Variants in GALNTL6 observed in about 807,000 individuals in gnomAD.
GALNTL6 encodes polypeptide N-acetylgalactosaminyltransferase-like 6.
In GALNTL6, 46 loss-of-function variants were observed where a neutral mutation model predicts 73.7. That is an observed-to-expected ratio of 0.62 (90% CI 0.49 to 0.80). The LOEUF (loss-of-function observed/expected upper bound fraction) is 0.80, where lower values mean the gene tolerates loss of function less well. GALNTL6 is among the 30% of genes least tolerant of loss of function. GALNTL6 has a pLI of 0.00. For synonymous variants in GALNTL6, 259 were observed against 263.7 expected (o/e 0.98, Z 0.17); for missense variants, 604 against 755.0 (o/e 0.80, Z 2.34).
At chr4:172,385,108 G>GTTATTGAT (rs1385106986) in intron 5 of GALNTL6, among the ~76,000 whole-genome samples, 1 of 148,502 alleles carries the variant, frequency 6.7e-6, no homozygotes, top group Non-Finnish European at 1.5e-5. Context: ...TTATTCTTCT[G>GTTATTGAT]TTATTGATTT....
intron 10 of GALNTL6, among the ~76,000 whole-genome samples, chr4:172,996,639 G>T (rs968043424): frequency 2.6e-5 from 4 of 152,148 alleles, no homozygotes; most frequent in African/African-American, 9.7e-5. Context: ...CATATGCTCT[G>T]TTTACAAAGA....
At chr4:172,302,591 C>T (rs1227498493) in intron 3 of GALNTL6, among the ~76,000 whole-genome samples, 3 of 152,142 alleles carry the variant, frequency 2.0e-5, no homozygotes, top group African/African-American at 7.2e-5. Flanking sequence ...TCCTTTCTCA[C>T]AATGCTCTTA....
intron 2 of GALNTL6, among the ~76,000 whole-genome samples, chr4:172,112,585 C>G (rs193205651): frequency 8.6e-5 from 13 of 152,018 alleles, no homozygotes; most frequent in Admixed American, 2.6e-4. Context: ...GGAATTTGGC[C>G]ATTCTAATAG....
At chr4:172,530,543 T>C (rs1735134971) in intron 5 of GALNTL6, among the ~76,000 whole-genome samples, 1 of 152,210 alleles carries the variant, frequency 6.6e-6, no homozygotes, top group South Asian at 2.1e-4. Context: ...ACTTTACCTC[T>C]CTGAACCACA....
chr4:172,481,382 G>A (rs1025239192), intron 5 of GALNTL6, among the ~76,000 whole-genome samples: 5 of 152,056 alleles, frequency 3.3e-5, no homozygotes, highest in African/African-American at 7.2e-5. Context: ...GTATTGCAAA[G>A]AGCAAAAGAG....
chr4:172,978,000 C>T (rs560141095), intron 10 of GALNTL6, among the ~76,000 whole-genome samples: 22 of 152,166 alleles, frequency 1.4e-4, no homozygotes, highest in Non-Finnish European at 2.5e-4. Flanking sequence ...CCACCACACC[C>T]AGCTAATTTT....
At chr4:172,207,705 T>G (rs1736185616) in intron 2 of GALNTL6, among the ~76,000 whole-genome samples, 1 of 152,156 alleles carries the variant, frequency 6.6e-6, no homozygotes, top group Admixed American at 6.5e-5. Flanking sequence ...TGACCTTCAG[T>G]ACTTGAATTC....
At chr4:172,450,256 G>A (rs1326314313) in intron 5 of GALNTL6, among the ~76,000 whole-genome samples, 1 of 148,860 alleles carries the variant, frequency 6.7e-6, no homozygotes, top group Admixed American at 6.7e-5. Flanking sequence ...CCCCTAAACT[G>A]ACTTCTTCTG....
intron 5 of GALNTL6, among the ~76,000 whole-genome samples, chr4:172,677,740 G>T (rs1057218579): frequency 1.3e-5 from 2 of 151,806 alleles, no homozygotes; most frequent in African/African-American, 4.8e-5. Flanking sequence ...CTAGATAGCA[G>T]AGTGAGACCC....
chr4:172,182,736 G>A (rs569530811), intron 2 of GALNTL6, among the ~76,000 whole-genome samples: 90 of 151,434 alleles, frequency 5.9e-4, no homozygotes, highest in African/African-American at 2.1e-3. Flanking sequence ...TTTTAAATGT[G>A]CATTTATTTT....
At chr4:172,621,641 G>A (rs575683045) in intron 5 of GALNTL6, among the ~76,000 whole-genome samples, 1 of 152,180 alleles carries the variant, frequency 6.6e-6, no homozygotes, top group African/African-American at 2.4e-5. Flanking sequence ...TTTCTTAGAA[G>A]TATGTGAAAC....
chr4:172,779,469 C>A (rs749431760), intron 5 of GALNTL6, among the ~76,000 whole-genome samples: 89 of 152,306 alleles, frequency 5.8e-4, no homozygotes, highest in Non-Finnish European at 9.3e-4. Context: ...ATGTTTAGAG[C>A]TTCTAGCCAT....
chr4:172,637,780 A>G (rs529741751), intron 5 of GALNTL6, among the ~76,000 whole-genome samples: 11 of 152,232 alleles, frequency 7.2e-5, no homozygotes, highest in Admixed American at 3.3e-4. Context: ...CACTAACAAC[A>G]CTTCTTAAAT....
intron 5 of GALNTL6, among the ~76,000 whole-genome samples, chr4:172,694,386 C>G: frequency 6.6e-6 from 1 of 152,048 alleles, no homozygotes; most frequent in East Asian, 1.9e-4. Flanking sequence ...TGAGTGAGAA[C>G]ATGCAGTGTT....
chr4:171,863,494 C>G (rs1326314197), intron 2 of GALNTL6, among the ~76,000 whole-genome samples: 2 of 152,082 alleles, frequency 1.3e-5, no homozygotes, highest in Non-Finnish European at 2.9e-5. Context: ...CATTCTGGCT[C>G]TAGTTTTTTG....
intron 2 of GALNTL6, among the ~76,000 whole-genome samples, chr4:172,127,961 TG>T (rs1208659431): frequency 6.6e-6 from 1 of 151,550 alleles, no homozygotes; most frequent in African/African-American, 2.4e-5. Context: ...AAAAACTAGC[TG>T]GTCATGGTGG....
At chr4:172,754,175 T>C (rs1737600605) in intron 5 of GALNTL6, among the ~76,000 whole-genome samples, 1 of 152,226 alleles carries the variant, frequency 6.6e-6, no homozygotes, top group African/African-American at 2.4e-5. Flanking sequence ...CTTGATATTT[T>C]AACTGACAGT....
At chr4:172,074,426 G>A (rs184182080) in intron 2 of GALNTL6, among the ~76,000 whole-genome samples, 2 of 152,288 alleles carry the variant, frequency 1.3e-5, no homozygotes, top group African/African-American at 4.8e-5. Context: ...ATTTGAAGCA[G>A]TTCAGTGACA....
intron 5 of GALNTL6, chr4:172,669,199 T>C (rs1553969856): frequency 6.6e-6 from 1 of 152,210 alleles, no homozygotes; most frequent in African/African-American, 2.4e-5. Context: ...TTTAAAATAG[T>C]GACCACTGAT....
Sources: gnomAD v4.1 joint callset for allele counts (sites outside exome capture counted in the v4.1 genomes callset) on GRCh38, gnomAD v4.1.1 for gene constraint, MANE v1.5 for transcripts, NCBI Gene and HGNC (gene_info 2026-07-23, HGNC 2026-07-21) for gene names.